PRRX2: variants seen among roughly 807,000 people sequenced by gnomAD.
PRRX2 encodes the protein paired mesoderm homeobox protein 2.
A neutral mutation model predicts 18.0 loss-of-function variants in PRRX2; 11 were observed. The ratio of observed to expected loss-of-function variants is 0.61; its 90% CI spans 0.39 to 1.01. The LOEUF (loss-of-function observed/expected upper bound fraction) is 1.01, where lower values mean the gene tolerates loss of function less well. Ranked by LOEUF, PRRX2 falls within the 50% of genes least tolerant of loss-of-function variation. The probability of loss-of-function intolerance (pLI) is 0.01; values close to 1 mark genes in which losing one functional copy is unlikely to be tolerated. For missense variants in PRRX2, 387 were observed against 351.0 expected (o/e 1.10, Z -0.82); for synonymous variants, 177 against 154.8 (o/e 1.14, Z -1.06).
At chr9:129,699,430 A>AAT (rs913461328) in intron 1 of PRRX2, among the ~76,000 whole-genome samples, 29 of 143,968 alleles carry the variant, frequency 2.0e-4, no homozygotes, top group African/African-American at 5.1e-4. Context: ...TCTCAAAAAA[A>AAT]ATATATATAT....
intron 1 of PRRX2, among the ~76,000 whole-genome samples, chr9:129,680,907 A>G (rs755784491): frequency 1.3e-5 from 2 of 152,252 alleles, no homozygotes; most frequent in African/African-American, 2.4e-5. Context: ...GATACCATCT[A>G]TAAAACACAA....
At chr9:129,666,913 G>A (rs1832033432) in intron 1 of PRRX2, among the ~76,000 whole-genome samples, 1 of 152,216 alleles carries the variant, frequency 6.6e-6, no homozygotes, top group Admixed American at 6.5e-5. Flanking sequence ...CTGGGGATGG[G>A]CCGGCCTGCT....
intron 1 of PRRX2, among the ~76,000 whole-genome samples, chr9:129,697,560 A>T (rs1267985294): frequency 6.6e-6 from 1 of 151,032 alleles, no homozygotes; most frequent in East Asian, 1.9e-4. Flanking sequence ...TGGCGCGCAC[A>T]TGGCCGGGCT....
rs1440576538 is a variant in PRRX2 at position 129,675,374 on chromosome 9, C to T, written c.259+9248C>T. Among the ~76,000 whole-genome samples, 1 of 152,200 alleles carries T rather than the reference C, an allele frequency of 6.6e-6. No homozygotes were observed. Among genetic ancestry groups the T allele is most frequent in the Non-Finnish European group, 1.5e-5 (1 of 68,018 alleles). On this transcript the variant is annotated intron_variant, in intron 1 of 3. Coordinates refer to ENST00000372469, the MANE Select transcript of PRRX2 (RefSeq NM_016307.4). The surrounding 1 kb of genome is among the most constrained non-coding windows in gnomAD (Gnocchi z 4.4). ...AGGGACGATTCCTGTCTCTCCCTCA[C>T]CAGCATCCTGACCCCCTCTAGCTTT...
rs555230263 is a variant in PRRX2, at chr9:129,721,542, G to A, written c.627-675G>A. Among the ~76,000 whole-genome samples, 38 of 152,100 alleles carry A rather than the reference G, an allele frequency of 2.5e-4. 1 individual carries two copies. Among genetic ancestry groups the A allele is most frequent in the African/African-American group, 8.2e-4 (34 of 41,494 alleles). ...CTCCTAACTTCCCTCCCTATTCATC[G>A]TTACAGGGGGCAGGAAAACCAAGGG... On this transcript the variant is annotated intron_variant, in intron 3 of 3. Coordinates refer to ENST00000372469, the MANE Select transcript of PRRX2 (RefSeq NM_016307.4).
chr9:129,717,557 A>G (rs932892342), intron 1 of PRRX2, among the ~76,000 whole-genome samples: 24 of 151,958 alleles, frequency 1.6e-4, no homozygotes, highest in African/African-American at 5.8e-4. Context: ...TTAGCAAGGC[A>G]TGTTGGTGGG....
At chr9:129,678,848 T>C (rs570889927) in intron 1 of PRRX2, among the ~76,000 whole-genome samples, 1 of 152,110 alleles carries the variant, frequency 6.6e-6, no homozygotes, top group South Asian at 2.1e-4. Flanking sequence ...GTGTGTGATA[T>C]GGGGATGACA....
intron 1 of PRRX2, among the ~76,000 whole-genome samples, chr9:129,718,289 C>G (rs564923859): frequency 3.3e-4 from 50 of 152,292 alleles, no homozygotes; most frequent in Non-Finnish European, 4.1e-4. Flanking sequence ...GGGGATCCTT[C>G]AAACCCTTTG....
intron 1 of PRRX2, among the ~76,000 whole-genome samples, chr9:129,681,528 A>C (rs924363976): frequency 6.6e-6 from 1 of 152,208 alleles, no homozygotes; most frequent in African/African-American, 2.4e-5. Flanking sequence ...TCAAAAAAAA[A>C]CAGAAAGCAG....
intron 1 of PRRX2, among the ~76,000 whole-genome samples, chr9:129,696,068 AAAAG>A (rs540334607): frequency 6.7e-6 from 1 of 149,906 alleles, no homozygotes; most frequent in Admixed American, 6.6e-5. Context: ...AGTCCACAGT[AAAAG>A]AAAGAAAACG....
At chr9:129,668,813 A>C (rs1324260774) in intron 1 of PRRX2, among the ~76,000 whole-genome samples, 1 of 151,250 alleles carries the variant, frequency 6.6e-6, no homozygotes, top group Non-Finnish European at 1.5e-5. Flanking sequence ...GAAAGAAAAG[A>C]AAAGAAAGAG....
chr9:129,717,056 T>C (rs530712140), intron 1 of PRRX2, among the ~76,000 whole-genome samples: 244 of 152,140 alleles, frequency 1.6e-3, no homozygotes, highest in African/African-American at 5.5e-3. Flanking sequence ...TATTTATTTA[T>C]TTATTTTTGA....
chr9:129,686,947 G>A (rs1433985242), intron 1 of PRRX2, among the ~76,000 whole-genome samples: 1 of 152,218 alleles, frequency 6.6e-6, no homozygotes, highest in African/African-American at 2.4e-5. Context: ...CAGGCCCTGG[G>A]CAGGGGAGAA....
chr9:129,689,462 G>A (rs1443480158), intron 1 of PRRX2, among the ~76,000 whole-genome samples: 1 of 152,208 alleles, frequency 6.6e-6, no homozygotes, highest in Non-Finnish European at 1.5e-5. Flanking sequence ...GTGCGTGTTT[G>A]CTTGAGTTAT....
chr9:129,672,530 G>A (rs983639228), intron 1 of PRRX2, among the ~76,000 whole-genome samples: 1 of 152,210 alleles, frequency 6.6e-6, no homozygotes, highest in African/African-American at 2.4e-5. Flanking sequence ...ATGCTGGGGT[G>A]GCCTGACCAG....
intron 3 of PRRX2, 95 bp from the exon 4 acceptor site, chr9:129,722,122 T>C (rs1237463554): frequency 1.7e-5 from 26 of 1,516,300 alleles, no homozygotes; most frequent in Non-Finnish European, 2.1e-5. Context: ...GAGAGCAAGC[T>C]AAGGAGGGGG....
Position 129,666,003 on chromosome 9 carries a change from C to T in PRRX2, c.136C>T (p.Leu46=). The T allele has an allele frequency of 9.2e-7, 1 of 1,086,050 alleles. No individual in the cohort carries two copies. The highest frequency in any genetic ancestry group is 1.1e-6 in the Non-Finnish European group (1 of 896,442). The allele number at this position is 1,086,050 out of a possible 1,614,324, so 67.3% of individuals were successfully genotyped here. ...KNFSVSHLLD[L]EEVAAAGRLA... ...CTTCTCGGTGAGCCACCTCCTGGAC[C>T]TGGAAGAGGTGGCGGCGGCCGGGCG... is the stretch of plus-strand genomic sequence containing the variant. Residue 46 remains leucine, a synonymous_variant, in exon 1 of 4, where the codon CTG becomes TTG. Coordinates refer to ENST00000372469, the MANE Select transcript of PRRX2 (RefSeq NM_016307.4).
intron 1 of PRRX2, among the ~76,000 whole-genome samples, chr9:129,706,779 A>G (rs1588172543): frequency 1.3e-5 from 2 of 152,168 alleles, no homozygotes; most frequent in African/African-American, 2.4e-5. Flanking sequence ...ATTTTTTAGT[A>G]TATTCAGTTG....
chr9:129,666,071 C>T lies in PRRX2; in HGVS notation c.204C>T (p.Gly68=). The T allele has an allele frequency of 9.6e-7, 1 of 1,040,080 alleles. No homozygotes were observed. The highest frequency in any genetic ancestry group is 1.2e-6 in the Non-Finnish European group (1 of 868,478). The allele number at this position is 1,040,080 out of a possible 1,614,324, so 64.4% of individuals were successfully genotyped here. ...GGGCCAGGGCCGAGGCGCGGGAGGGCGCAGCACGGGAGCCGTCCGGGGGCA... is the reference window on the plus strand; with the variant it reads ...GGGCCAGGGCCGAGGCGCGGGAGGGTGCAGCACGGGAGCCGTCCGGGGGCA... ...RPGARAEARE[G]AAREPSGGSS... Residue 68 remains glycine, a synonymous_variant, in exon 1 of 4, where the codon GGC becomes GGT. Coordinates refer to ENST00000372469, the MANE Select transcript of PRRX2 (RefSeq NM_016307.4).
Sources: gnomAD v4.1 joint callset for allele counts (sites outside exome capture counted in the v4.1 genomes callset) on GRCh38, gnomAD v4.1.1 for gene constraint, Gnocchi (gnomAD v3.1) non-coding constraint, MANE v1.5 for transcripts, NCBI Gene and HGNC (gene_info 2026-07-23, HGNC 2026-07-21) for gene names.